Variants in DLGAP1 observed in about 807,000 individuals in gnomAD.
The protein encoded by DLGAP1 is disks large-associated protein 1.
DLGAP1 carries 11 observed loss-of-function variants against 90.8 expected under a neutral mutation model. The observed-to-expected ratio is 0.12, with a 90% confidence interval of 0.08 to 0.20. The LOEUF is 0.20. DLGAP1 is among the 10% of genes least tolerant of loss of function. The pLI is 1.00. For synonymous variants in DLGAP1, 558 were observed against 540.7 expected (o/e 1.03, Z -0.44); for missense variants, 1,050 against 1,333.8 (o/e 0.79, Z 3.31).
chr18:3,691,808 T>G (rs1015084915), intron 7 of DLGAP1, among the ~76,000 whole-genome samples: 7 of 151,894 alleles, frequency 4.6e-5, no homozygotes, highest in Admixed American at 4.6e-4. Flanking sequence ...TAGTACCAGC[T>G]ATTTGGGAGG....
chr18:4,087,092 T>TAC, intron 2 of DLGAP1, among the ~76,000 whole-genome samples: 7 of 93,626 alleles, frequency 7.5e-5, no homozygotes, highest in Non-Finnish European at 1.4e-4. Context: ...TATGTATATA[T>TAC]GTATATATGT....
chr18:3,738,573 T>G (rs1207432662), intron 6 of DLGAP1, among the ~76,000 whole-genome samples: 1 of 151,936 alleles, frequency 6.6e-6, no homozygotes, highest in African/African-American at 2.4e-5. Flanking sequence ...GCTAGCCATA[T>G]GTAGAAAGCT....
At chr18:4,384,602 CT>C (rs1284324978) in intron 1 of DLGAP1, among the ~76,000 whole-genome samples, 3 of 151,974 alleles carry the variant, frequency 2.0e-5, no homozygotes, top group Non-Finnish European at 4.4e-5. Context: ...AGATCAAATA[CT>C]CTCTCTATAT....
intron 3 of DLGAP1, among the ~76,000 whole-genome samples, chr18:3,914,627 G>T (rs1435590260): frequency 6.6e-6 from 1 of 152,076 alleles, no homozygotes; most frequent in Non-Finnish European, 1.5e-5. Context: ...TTAATTTTTT[G>T]AGGAACTCCT....
At chr18:3,848,082 C>G (rs368940585) in intron 4 of DLGAP1, among the ~76,000 whole-genome samples, 71 of 127,334 alleles carry the variant, frequency 5.6e-4, no homozygotes, top group Admixed American at 1.4e-3. Flanking sequence ...GAGTCATGAT[C>G]GTGCCATTGC....
intron 2 of DLGAP1, among the ~76,000 whole-genome samples, chr18:4,068,950 G>A (rs1346504625): frequency 6.6e-6 from 1 of 152,152 alleles, no homozygotes; most frequent in African/African-American, 2.4e-5. Flanking sequence ...TTAGTGGCAA[G>A]GCTAGGAGTT....
intron 1 of DLGAP1, among the ~76,000 whole-genome samples, chr18:4,244,182 A>G (rs1055818324): frequency 3.3e-5 from 5 of 152,194 alleles, no homozygotes; most frequent in African/African-American, 1.2e-4. Flanking sequence ...TAAGAGTGTC[A>G]GTAGGAAATC....
chr18:3,673,581 T>A (rs1438964329), intron 7 of DLGAP1, among the ~76,000 whole-genome samples: 1 of 152,200 alleles, frequency 6.6e-6, no homozygotes, highest in East Asian at 1.9e-4. Context: ...GGAGTCTCAC[T>A]CTTCGCCCAG....
chr18:4,225,703 GAAGA>G (rs1355462403), intron 1 of DLGAP1, among the ~76,000 whole-genome samples: 6 of 151,894 alleles, frequency 4.0e-5, no homozygotes, highest in Non-Finnish European at 7.4e-5. Context: ...TGATCAAGCA[GAAGA>G]AAGAATTAGT....
intron 7 of DLGAP1, among the ~76,000 whole-genome samples, chr18:3,728,323 T>TATATATATATATATATATATATAG (rs2062268475): frequency 1.1e-5 from 1 of 93,456 alleles, no homozygotes; most frequent in South Asian, 3.8e-4. Context: ...TATATATATA[T>TATATATATATATATATATATATAG]ATATACATGT....
At chr18:4,004,641 C>A (rs1366512701) in intron 3 of DLGAP1, among the ~76,000 whole-genome samples, 1 of 152,154 alleles carries the variant, frequency 6.6e-6, no homozygotes, top group African/African-American at 2.4e-5. Context: ...CTATTAATTT[C>A]AACTGCACAG....
At position 3,811,444 on chromosome 18, in the gene DLGAP1, C is replaced by G. The variant is rs533436147; in HGVS notation, c.1172+2615G>C. On this transcript the variant is annotated intron_variant, in intron 5 of 12. Transcript: ENST00000315677. ...CATAAACATAGGAAAAAAAAGTTCT[C>G]TTTCCTGCCAAAGAACAGGGGACAA... 7.2e-5 allele frequency among the ~76,000 whole-genome samples: 11 copies of G among 152,304 alleles called. 1 individual carries two copies. Among genetic ancestry groups the G allele is most frequent in the African/African-American group, 2.6e-4 (11 of 41,564 alleles).
chr18:4,025,591 G>C (rs1369105618), intron 2 of DLGAP1, among the ~76,000 whole-genome samples: 2 of 152,018 alleles, frequency 1.3e-5, no homozygotes, highest in African/African-American at 2.4e-5. Flanking sequence ...GACTCTAAAG[G>C]CCCTTTTCAT....
chr18:4,155,806 G>A (rs922704535), intron 1 of DLGAP1, among the ~76,000 whole-genome samples: 1 of 152,104 alleles, frequency 6.6e-6, no homozygotes, highest in East Asian at 1.9e-4. Context: ...TGAAAAGGGG[G>A]CCATGGCAGG....
chr18:3,640,761 C>T (rs2058908695), intron 7 of DLGAP1, among the ~76,000 whole-genome samples: 1 of 152,230 alleles, frequency 6.6e-6, no homozygotes, highest in African/African-American at 2.4e-5. Context: ...TGCTTATGTC[C>T]AGAATCATTC....
At chr18:4,008,226 T>TACACACAC (rs67739004) in intron 2 of DLGAP1, among the ~76,000 whole-genome samples, 3 of 147,008 alleles carry the variant, frequency 2.0e-5, no homozygotes, top group African/African-American at 5.1e-5. Flanking sequence ...TATATATATA[T>TACACACAC]ACACACACAC....
chr18:3,536,305 C>T (rs1167665258), intron 9 of DLGAP1, among the ~76,000 whole-genome samples: 2 of 150,938 alleles, frequency 1.3e-5, no homozygotes, highest in African/African-American at 4.9e-5. Context: ...CTCACTGCAA[C>T]CTGTGACTCC....
intron 1 of DLGAP1, among the ~76,000 whole-genome samples, chr18:4,409,254 CAT>C (rs1357467661): frequency 1.3e-5 from 2 of 152,058 alleles, no homozygotes; most frequent in Non-Finnish European, 1.5e-5. Flanking sequence ...GAGAATGATA[CAT>C]GTGACTACAG....
In DLGAP1 at chr18:3,724,823, G is replaced by A. The variant is rs191052909; in HGVS notation, c.1591+4312C>T. Among the ~76,000 whole-genome samples the A allele has an allele frequency of 2.8e-3, 429 of 151,654 alleles. 1 individual carries two copies. The highest frequency in any genetic ancestry group is 5.2e-3 in the East Asian group (27 of 5,154). On this transcript the variant is annotated intron_variant, in intron 7 of 12. Coordinates refer to ENST00000315677, the MANE Select transcript of DLGAP1 (RefSeq NM_004746.4). ...GTTCAGGAGGCTGAGGTGGAGGATC[G>A]CAGTCCAGGAGCTGGAGGCTGCAGT... is the stretch of plus-strand genomic sequence containing the variant.
Sources: allele counts gnomAD v4.1 joint callset (sites outside exome capture counted in the v4.1 genomes callset), GRCh38; gene constraint gnomAD v4.1.1; transcripts MANE v1.5; gene names NCBI Gene and HGNC (gene_info 2026-07-23, HGNC 2026-07-21).